IRAG2: variants seen among roughly 807,000 people sequenced by gnomAD.
The protein encoded by IRAG2 is inositol 1,4,5-triphosphate receptor associated 2, also known as lymphoid restricted membrane protein.
In IRAG2, 45 loss-of-function variants were observed where a neutral mutation model predicts 69.9. That is an observed-to-expected ratio of 0.64 (90% CI 0.51 to 0.83). The LOEUF (loss-of-function observed/expected upper bound fraction) is 0.83. Among genes scored for constraint, IRAG2 ranks in the 40% least tolerant of loss-of-function variants. The pLI, the probability that IRAG2 is intolerant of heterozygous loss-of-function variation, is 0.00. For missense variants in IRAG2, 520 were observed against 587.0 expected, an observed-to-expected ratio of 0.89 and a Z score of 1.18; for synonymous variants, 193 against 202.4, an observed-to-expected ratio of 0.95 and a Z score of 0.40.
rs563252235 is a variant in IRAG2, at chr12:25,104,079, C to G, written c.1046+21C>G. 291 of 1,608,340 alleles carry G rather than the reference C, an allele frequency of 1.8e-4. 4 individuals are homozygous for G. In the South Asian group the frequency reaches 3.1e-3, roughly 17 times the overall value. ...AGTTGGTAAGTGTAATTTTATGGTT[C>G]CTCTTTGGGAACCTTACTATTTTAT... On this transcript the variant is annotated intron_variant, in intron 19 of 21. Transcript: ENST00000556887.
At chr12:25,075,521 CGTGTGT>C (rs747046833) in intron 6 of IRAG2, among the ~76,000 whole-genome samples, 2,148 of 139,350 alleles carry the variant, frequency 0.015, 56 homozygotes, top group African/African-American at 0.052. Context: ...TGTGTGTATG[CGTGTGT>C]GTGTGTGTGT....
intron 10 of IRAG2, among the ~76,000 whole-genome samples, chr12:25,084,534 T>A (rs1221045450): frequency 7.5e-6 from 1 of 134,116 alleles, no homozygotes; most frequent in Non-Finnish European, 1.6e-5. Flanking sequence ...GTTGTATGCA[T>A]GGAGGGGTGT....
intron 10 of IRAG2, among the ~76,000 whole-genome samples, chr12:25,087,016 C>A (rs773818310): frequency 6.6e-6 from 1 of 152,108 alleles, no homozygotes; most frequent in Non-Finnish European, 1.5e-5. Context: ...TAGAAAACTC[C>A]ATGTGATAGC....
At position 25,089,618 on chromosome 12, in the gene IRAG2, T is replaced by C; in HGVS notation, c.378T>C (p.Ser126=). The C allele has an allele frequency of 6.3e-7, 1 of 1,580,366 alleles. No individual in the cohort carries two copies. The highest frequency in any genetic ancestry group is 8.7e-7 in the Non-Finnish European group (1 of 1,151,998). Residue 126 remains serine (S), a synonymous_variant, in exon 12 of 22, where the codon TCT becomes TCC. Coordinates refer to ENST00000556887, the MANE Select transcript of IRAG2 (RefSeq NM_001366544.2). ...EHKKEHASGD[S]VVSPLPVTTV... is the part of the protein sequence containing the mutation. ...TATTTTATTATATTTTAATAGACTCTGTGGTTTCCCCTCTTCCTGTAACCA... is the reference window on the plus strand; with the variant it reads ...TATTTTATTATATTTTAATAGACTCCGTGGTTTCCCCTCTTCCTGTAACCA...
intron 14 of IRAG2, chr12:25,093,349 T>C (rs570189186): frequency 3.3e-5 from 5 of 153,576 alleles, no homozygotes; most frequent in African/African-American, 1.2e-4. Flanking sequence ...TGGGCATTAA[T>C]GGGTCCTATG....
intron 7 of IRAG2, chr12:25,021,091 C>CTTTTTTTTT (rs71063389): frequency 3.7e-4 from 98 of 265,832 alleles, no homozygotes; most frequent in Admixed American, 5.4e-4. Flanking sequence ...TCTTTCTTTT[C>CTTTTTTTTT]TTTTTTTTTT....
At chr12:25,007,014 GTA>G (rs1455758316) in intron 2 of IRAG2, among the ~76,000 whole-genome samples, 2 of 152,250 alleles carry the variant, frequency 1.3e-5, no homozygotes, top group Middle Eastern at 3.4e-3. Context: ...GTGACTTGTT[GTA>G]TATCTTTCCA....
intron 9 of IRAG2, among the ~76,000 whole-genome samples, chr12:25,083,112 C>A (rs1005568026): frequency 3.9e-5 from 6 of 152,136 alleles, no homozygotes; most frequent in African/African-American, 1.2e-4. Context: ...CCTCCACTTT[C>A]TATTATTGTA....
chr12:25,039,626 T>A (rs901926917), intron 16 of IRAG2, among the ~76,000 whole-genome samples: 5 of 152,164 alleles, frequency 3.3e-5, no homozygotes, highest in African/African-American at 9.7e-5. Flanking sequence ...GAGACGGGGT[T>A]TCACCATGTT....
In IRAG2 at chr12:25,069,448, A is replaced by C; in HGVS notation, c.24+17A>C. 1 of 1,612,546 alleles carries C rather than the reference A, an allele frequency of 6.2e-7. No homozygotes were observed. Among genetic ancestry groups the C allele is most frequent in the East Asian group, 2.2e-5 (1 of 44,834 alleles). On this transcript the variant is annotated intron_variant, in intron 6 of 21. Transcript: ENST00000556887. The stretch of plus-strand genomic sequence containing the variant: ...AGTATGGAAGTGAGTGTTGGACTGG[A>C]TTTTGGTTTCATTTTCAGTATTACC...
At chr12:25,065,144 A>G (rs1034648637) in intron 4 of IRAG2, among the ~76,000 whole-genome samples, 4 of 148,976 alleles carry the variant, frequency 2.7e-5, no homozygotes, top group African/African-American at 9.7e-5. Flanking sequence ...ACACAGTTCT[A>G]TGCTCTTAAC....
chr12:25,041,196 G>C (rs187747079), intron 16 of IRAG2, among the ~76,000 whole-genome samples: 20 of 152,202 alleles, frequency 1.3e-4, no homozygotes, highest in South Asian at 8.3e-4. Context: ...GGGGCAGGGT[G>C]GGGGGTAAGC....
chr12:25,004,573 A>C (rs1344908054), exon 1 of IRAG2: 1 of 1,232,164 alleles, frequency 8.1e-7, no homozygotes, highest in East Asian at 3.2e-5. Flanking sequence ...TCATTGGTCA[A>C]GTTCTGAGGA....
intron 20 of IRAG2, 113 bp downstream of exon 20, chr12:25,104,575 A>G (rs534150803): frequency 1.5e-6 from 1 of 676,840 alleles, no homozygotes; most frequent in East Asian, 2.7e-5. Context: ...AAGATAATTC[A>G]TTGTAAAACA....
At chr12:25,046,756 A>G (rs1241633606) in intron 16 of IRAG2, among the ~76,000 whole-genome samples, 1 of 152,220 alleles carries the variant, frequency 6.6e-6, no homozygotes, top group Non-Finnish European at 1.5e-5. Context: ...TACTACCCAA[A>G]GCAATCTATA....
intron 1 of IRAG2, among the ~76,000 whole-genome samples, chr12:25,053,425 C>T (rs1944989488): frequency 6.6e-6 from 1 of 151,824 alleles, no homozygotes; most frequent in African/African-American, 2.4e-5. Flanking sequence ...CAGTGTATAT[C>T]AAAATATCAA....
At chr12:25,023,810 T>C in intron 7 of IRAG2, 1 of 851,286 alleles carries the variant, frequency 1.2e-6, no homozygotes. Flanking sequence ...TGGAGGTAAA[T>C]ATGTGGTATT....
upstream of IRAG2, among the ~76,000 whole-genome samples, chr12:25,051,373 G>A (rs1214042633): frequency 6.6e-6 from 1 of 152,158 alleles, no homozygotes; most frequent in Non-Finnish European, 1.5e-5. Context: ...AAATGTTAAC[G>A]TTTGAGAGGC....
chr12:25,077,351 TG>T lies in IRAG2; in HGVS notation c.25-1892del, dbSNP rs1946866664. 6.5e-5 allele frequency among the ~76,000 whole-genome samples: 2 copies of T among 30,938 alleles called. 1 individual carries two copies. The highest frequency in any genetic ancestry group is 1.7e-4 in the African/African-American group (2 of 11,510). 20.3% of individuals were successfully genotyped at this position (30,938 alleles called of 152,430 possible). On this transcript the variant is annotated intron_variant, in intron 6 of 21. Coordinates refer to ENST00000556887, the MANE Select transcript of IRAG2 (RefSeq NM_001366544.2). ...ATGATATATATATGAAATATATATA[TG>T]ATATATATGATATATATGAAATATA...
Sources: gnomAD v4.1 joint callset for allele counts (sites outside exome capture counted in the v4.1 genomes callset) on GRCh38, gnomAD v4.1.1 for gene constraint, MANE v1.5 for transcripts, NCBI Gene and HGNC (gene_info 2026-07-23, HGNC 2026-07-21) for gene names.